ANKUB1: variants seen among roughly 807,000 people sequenced by gnomAD.
The protein encoded by ANKUB1 is ankyrin repeat and ubiquitin domain containing 1.
A neutral mutation model predicts 49.3 loss-of-function variants in ANKUB1; 42 were observed. The ratio of observed to expected loss-of-function variants is 0.85; its 90% CI spans 0.67 to 1.10. The LOEUF is 1.10. Ranked by LOEUF, ANKUB1 falls within the 50% of genes least tolerant of loss-of-function variation. The pLI, the probability that ANKUB1 is intolerant of heterozygous loss-of-function variation, is 0.00. For missense variants in ANKUB1, 613 were observed against 642.0 expected (o/e 0.95, Z 0.49); for synonymous variants, 222 against 231.0 (o/e 0.96, Z 0.35).
intron 2 of ANKUB1, among the ~76,000 whole-genome samples, chr3:149,781,106 G>GAA (rs1717850268): frequency 6.6e-6 from 1 of 150,882 alleles, no homozygotes; most frequent in Non-Finnish European, 1.5e-5. Flanking sequence ...GATTACAGGC[G>GAA]CGAGCCACTG....
rs891794673 is a variant in ANKUB1, at chr3:149,792,419, T to C, written c.-53A>G. On this transcript the variant is annotated 5_prime_UTR_variant, in exon 1 of 6. Transcript: ENST00000446160. Reference sequence around the variant, plus strand: ...TATCCAACTTTTTCAAAGATTCTCCTGGATGGCTAGAAAAATTCCGGTTCA... The same window carrying C: ...TATCCAACTTTTTCAAAGATTCTCCCGGATGGCTAGAAAAATTCCGGTTCA... The C allele has an allele frequency of 2.9e-6, 4 of 1,365,872 alleles. No homozygotes were observed. In the South Asian group the frequency reaches 4.6e-5, roughly 16 times the overall value. 84.6% of individuals were successfully genotyped at this position (1,365,872 alleles called of 1,614,324 possible).
chr3:149,766,577 A>T (rs1490779695), intron 5 of ANKUB1: 1 of 389,378 alleles, frequency 2.6e-6, no homozygotes, highest in Admixed American at 3.6e-5. Flanking sequence ...AGGTGGGAGG[A>T]TCGCTTGAGC....
At chr3:149,780,483 A>T (rs1203233821) in intron 2 of ANKUB1, 28 bp from the exon 3 acceptor site, 2 of 1,526,654 alleles carry the variant, frequency 1.3e-6, no homozygotes, top group Non-Finnish European at 1.8e-6. Flanking sequence ...GAGGGAACTT[A>T]TTGTCTGGAG....
chr3:149,785,962 G>A (rs1187519748), intron 2 of ANKUB1, among the ~76,000 whole-genome samples: 1 of 152,186 alleles, frequency 6.6e-6, no homozygotes, highest in Non-Finnish European at 1.5e-5. Flanking sequence ...TCTAACTGGT[G>A]TGAGATGGTA....
chr3:149,761,475 C>A lies in ANKUB1; in HGVS notation c.*9G>T. On this transcript the variant is annotated 3_prime_UTR_variant, in exon 6 of 6. Transcript: ENST00000446160. The stretch of plus-strand genomic sequence containing the variant: ...AGGTCTTTGTCCAAACTGAAGTTGT[C>A]ATGACTTTTCAAAGCACAGTTTCTA... 1 of 1,551,106 alleles carries A rather than the reference C, an allele frequency of 6.4e-7. No homozygotes were observed. The highest frequency in any genetic ancestry group is 1.2e-5 in the South Asian group (1 of 84,002).
At chr3:149,774,406 G>T (rs781030911) in intron 3 of ANKUB1, among the ~76,000 whole-genome samples, 1 of 152,150 alleles carries the variant, frequency 6.6e-6, no homozygotes, top group Non-Finnish European at 1.5e-5. Flanking sequence ...AGACTGACCT[G>T]CCTATTCCAG....
intron 5 of ANKUB1, among the ~76,000 whole-genome samples, chr3:149,764,304 T>C (rs927113914): frequency 6.7e-6 from 1 of 149,574 alleles, no homozygotes; most frequent in Admixed American, 6.6e-5. Flanking sequence ...GGTCATGAGA[T>C]TGTAGATCTC....
At position 149,767,936 on chromosome 3, in the gene ANKUB1, G is replaced by A. The variant is rs1030855766; in HGVS notation, c.726C>T (p.Cys242=). The change falls in exon 5 of 6, where the codon TGC becomes TGT. Residue 242 remains cysteine (C), a synonymous_variant. Coordinates refer to ENST00000446160, the MANE Select transcript of ANKUB1 (RefSeq NM_001144960.3). Reference sequence around the variant, plus strand: ...CTGCTTCTGCGGCTGCATGAATGGGGCATTTAGAGACATCTGCATGAAGGG... The same window carrying A: ...CTGCTTCTGCGGCTGCATGAATGGGACATTTAGAGACATCTGCATGAAGGG... ...HEALHADVSK[C]PIHAAAEAGQ... is the part of the protein sequence containing the mutation. 9 of 1,548,946 alleles carry A rather than the reference G, an allele frequency of 5.8e-6. No individual in the cohort carries two copies. The East Asian group carries it at 1.7e-4, about 30-fold the overall frequency.
In ANKUB1 at chr3:149,767,796, C is replaced by T. The variant is rs1286005716; in HGVS notation, c.866G>A (p.Cys289Tyr). 1 of 1,551,716 alleles carries T rather than the reference C, an allele frequency of 6.4e-7. No homozygotes were observed. Residue 289 changes from cysteine to tyrosine, a missense_variant, in exon 5 of 6, where the codon TGT becomes TAT. By Grantham distance (194) the Cys-to-Tyr change is radical. Coordinates refer to ENST00000446160, the MANE Select transcript of ANKUB1 (RefSeq NM_001144960.3). ...CATTTTACTGAGCAAATATAATACACAGTCTTTATGCTTGTGTTTGAACAC... is the reference window on the plus strand; with the variant it reads ...CATTTTACTGAGCAAATATAATACATAGTCTTTATGCTTGTGTTTGAACAC... The part of the protein sequence containing the change: ...TIVFKHKHKD[C>Y]VLYLLSKMWS...
intron 3 of ANKUB1, among the ~76,000 whole-genome samples, chr3:149,775,298 G>A (rs1717544720): frequency 2.0e-5 from 3 of 152,148 alleles, no homozygotes; most frequent in Admixed American, 2.0e-4. Context: ...TGAGCTTCCT[G>A]TGATGGAAGA....
At chr3:149,777,309 T>C (rs554375480) in intron 3 of ANKUB1, among the ~76,000 whole-genome samples, 19 of 151,922 alleles carry the variant, frequency 1.3e-4, no homozygotes, top group Admixed American at 7.9e-4. Context: ...CCGTCTCTAC[T>C]AAAATACAAA....
Position 149,767,975 on chromosome 3 carries a change from T to G in ANKUB1, c.687A>C (p.Ala229=). The G allele has an allele frequency of 6.5e-7, 1 of 1,538,744 alleles. No individual in the cohort carries two copies. Among genetic ancestry groups the G allele is most frequent in the Non-Finnish European group, 8.8e-7 (1 of 1,137,512 alleles). The change falls in exon 5 of 6, where the codon GCA becomes GCC. Residue 229 remains alanine, a synonymous_variant. Coordinates refer to ENST00000446160, the MANE Select transcript of ANKUB1 (RefSeq NM_001144960.3). ...HEAVGVHPYR[A]WCHEALHADV... is the part of the protein sequence containing the mutation. ...CTGCATGAAGGGCTTCATGGCACCATGCTCGATAGGGGTGAACACCGACTG... is the reference window on the plus strand; with the variant it reads ...CTGCATGAAGGGCTTCATGGCACCAGGCTCGATAGGGGTGAACACCGACTG...
At chr3:149,787,675 T>C (rs1469158522) in intron 2 of ANKUB1, among the ~76,000 whole-genome samples, 1 of 152,202 alleles carries the variant, frequency 6.6e-6, no homozygotes, top group Non-Finnish European at 1.5e-5. Context: ...TTTCCATTTC[T>C]TTTCCAAATG....
At chr3:149,782,803 G>A (rs955577400) in intron 2 of ANKUB1, among the ~76,000 whole-genome samples, 3 of 152,162 alleles carry the variant, frequency 2.0e-5, no homozygotes, top group Non-Finnish European at 2.9e-5. Flanking sequence ...GCCTCCCAAA[G>A]TATTGGGATT....
Position 149,761,379 on chromosome 3 carries a change from G to A in ANKUB1, c.*105C>T. On this transcript the variant is annotated 3_prime_UTR_variant, in exon 6 of 6. Transcript: ENST00000446160. ...TTAAAAGTTATGTGGCATTATAACT[G>A]TTACTAGAGATGATAACATTAGAAC... is the stretch of plus-strand genomic sequence containing the variant. 1 of 1,305,484 alleles carries A rather than the reference G, an allele frequency of 7.7e-7. No individual in the cohort carries two copies. Among genetic ancestry groups the A allele is most frequent in the Non-Finnish European group, 1.0e-6 (1 of 961,230 alleles). 80.9% of individuals were successfully genotyped at this position (1,305,484 alleles called of 1,614,324 possible).
intron 5 of ANKUB1, among the ~76,000 whole-genome samples, chr3:149,762,750 G>A (rs114968651): frequency 0.013 from 1,950 of 152,262 alleles, 34 homozygotes; most frequent in Non-Finnish European, 0.021. Context: ...CCCATGGAAG[G>A]GGGAATAAGA....
intron 3 of ANKUB1, among the ~76,000 whole-genome samples, chr3:149,774,969 G>A (rs1322795734): frequency 6.6e-6 from 1 of 152,082 alleles, no homozygotes; most frequent in Non-Finnish European, 1.5e-5. Flanking sequence ...AAGCTTTAGG[G>A]CCCCTCACTA....
At chr3:149,788,602 A>T (rs1718219298) in intron 2 of ANKUB1, among the ~76,000 whole-genome samples, 2 of 152,168 alleles carry the variant, frequency 1.3e-5, no homozygotes, top group Non-Finnish European at 2.9e-5. Flanking sequence ...TTATAGAATT[A>T]GCAGTTTAAA....
In ANKUB1 at chr3:149,761,403, A is replaced by G. The variant is rs930283359; in HGVS notation, c.*81T>C. On this transcript the variant is annotated 3_prime_UTR_variant, in exon 6 of 6. Coordinates refer to ENST00000446160, the MANE Select transcript of ANKUB1 (RefSeq NM_001144960.3). The stretch of plus-strand genomic sequence containing the variant: ...TGTTACTAGAGATGATAACATTAGA[A>G]CTGTTATTAGAAATGTTAACATTAG... 3 of 1,470,388 alleles carry G rather than the reference A, an allele frequency of 2.0e-6. No individual in the cohort carries two copies. The highest frequency in any genetic ancestry group is 2.8e-5 in the African/African-American group (2 of 70,726). The allele number at this position is 1,470,388 out of a possible 1,614,324, so 91.1% of individuals were successfully genotyped here.
Sources: gnomAD v4.1 joint callset for allele counts (sites outside exome capture counted in the v4.1 genomes callset) on GRCh38, gnomAD v4.1.1 for gene constraint, MANE v1.5 for transcripts, NCBI Gene and HGNC (gene_info 2026-07-23, HGNC 2026-07-21) for gene names.